GCA: variants seen among roughly 807,000 people sequenced by gnomAD.
The protein encoded by GCA is grancalcin.
GCA carries 30 observed loss-of-function variants against 32.6 expected under a neutral mutation model. The observed-to-expected ratio is 0.92, with a 90% CI of 0.69 to 1.25. GCA has a LOEUF of 1.25. Among genes scored for constraint, GCA ranks in the 50% most tolerant of loss-of-function variants. The probability of loss-of-function intolerance (pLI) is 0.00; values close to 1 mark genes in which losing one functional copy is unlikely to be tolerated. For synonymous variants in GCA, 102 were observed against 84.6 expected, an observed-to-expected ratio of 1.21 and a Z score of -1.13; for missense variants, 291 against 266.8, an observed-to-expected ratio of 1.09 and a Z score of -0.63.
intron 3 of GCA, 67 bp downstream of exon 3, chr2:162,352,474 C>G: frequency 1.0e-6 from 1 of 978,540 alleles, no homozygotes; most frequent in Non-Finnish European, 1.6e-6. Flanking sequence ...TTTTTTGTCC[C>G]TGTAATTAAA....
At chr2:162,341,267 TTATATA>T (rs3052040), upstream of GCA, among the ~76,000 whole-genome samples, 3,439 of 116,214 alleles carry the variant, frequency 0.03, 170 homozygotes, top group African/African-American at 0.1. Context: ...CTTATTTATT[TTATATA>T]TATATATATA....
At chr2:162,358,988 C>A in intron 5 of GCA, 56 bp from the exon 6 acceptor site, 1 of 783,736 alleles carries the variant, frequency 1.3e-6, no homozygotes, top group Non-Finnish European at 2.1e-6. Flanking sequence ...AGAAAGCAAT[C>A]TTGCAGTGTT....
chr2:162,318,925 TAAC>T (rs1370445969), upstream of GCA: 1 of 233,550 alleles, frequency 4.3e-6, no homozygotes, highest in Non-Finnish European at 9.0e-6. Flanking sequence ...GGTTCTGCCT[TAAC>T]AATAAGGTCC....
At chr2:162,351,031 A>G in intron 2 of GCA, among the ~76,000 whole-genome samples, 1 of 152,278 alleles carries the variant, frequency 6.6e-6, no homozygotes, top group Non-Finnish European at 1.5e-5. Flanking sequence ...GATGGGCCTC[A>G]TAATTAATAA....
At chr2:162,338,517 A>G (rs955928609) in intron 1 of GCA, among the ~76,000 whole-genome samples, 2 of 152,182 alleles carry the variant, frequency 1.3e-5, no homozygotes, top group Non-Finnish European at 2.9e-5. Flanking sequence ...GGGTGTATCA[A>G]ACCCATGTTA....
At chr2:162,344,428 G>C in intron 1 of GCA, 153 bp downstream of exon 1, 4 of 713,860 alleles carry the variant, frequency 5.6e-6, no homozygotes. Flanking sequence ...TGGGGGCCAG[G>C]GCCTGGGCGA....
intron 1 of GCA, among the ~76,000 whole-genome samples, chr2:162,329,986 C>T (rs1576260650): frequency 6.6e-6 from 1 of 152,254 alleles, no homozygotes; most frequent in South Asian, 2.1e-4. Flanking sequence ...CATCCACGTC[C>T]GTGCACAGGA....
intron 1 of GCA, among the ~76,000 whole-genome samples, chr2:162,326,220 C>A (rs537258600): frequency 6.6e-6 from 1 of 152,336 alleles, no homozygotes; most frequent in Admixed American, 6.5e-5. Context: ...AAAGCTTGCA[C>A]ATATGGGACC....
chr2:162,359,599 C>T (rs3213843), intron 7 of GCA, 47 bp downstream of exon 7: 48,639 of 940,204 alleles, frequency 0.052, 8,893 homozygotes, highest in African/African-American at 0.49. Context: ...AGATAGTTCT[C>T]AGTTAGTAAA....
intron 5 of GCA, 186 bp downstream of exon 5, chr2:162,357,091 A>AT (rs1335722753): frequency 1.1e-5 from 5 of 455,392 alleles, no homozygotes; most frequent in South Asian, 4.5e-5. Context: ...TTTAATTATG[A>AT]TTTTTTTCAA....
At chr2:162,339,465 T>C (rs1684372764), upstream of GCA, among the ~76,000 whole-genome samples, 1 of 152,096 alleles carries the variant, frequency 6.6e-6, no homozygotes, top group Non-Finnish European at 1.5e-5. Context: ...ACAGTGAACA[T>C]TATGATCAAG....
At position 162,333,013 on chromosome 2, in the gene GCA, G is replaced by A. The variant is rs115439242; in HGVS notation, c.-31+13788G>A. ...CTCTGCTGGGGGATCAAAACATGAC[G>A]TACAAAGAACTCTCACAAAAATAGA... On this transcript the variant is annotated intron_variant, in intron 1 of 4. Transcript: ENST00000429691. Among the ~76,000 whole-genome samples the A allele has an allele frequency of 4.7e-3, 709 of 152,098 alleles. 10 individuals carry two copies. Among genetic ancestry groups the A allele is most frequent in the African/African-American group, 0.016 (674 of 41,438 alleles).
intron 2 of GCA, among the ~76,000 whole-genome samples, chr2:162,349,374 C>CTT (rs1211084602): frequency 6.9e-6 from 1 of 145,054 alleles, no homozygotes. Flanking sequence ...ATGAGCTTGT[C>CTT]TTTTTTTTTT....
chr2:162,330,493 C>A (rs1285289306), intron 1 of GCA, among the ~76,000 whole-genome samples: 1 of 152,194 alleles, frequency 6.6e-6, no homozygotes, highest in African/African-American at 2.4e-5. Flanking sequence ...TACCTGAATA[C>A]ACACATTGGC....
At chr2:162,342,839 C>T (rs561359106), upstream of GCA, among the ~76,000 whole-genome samples, 8 of 152,316 alleles carry the variant, frequency 5.3e-5, 1 homozygote, top group South Asian at 1.4e-3. Context: ...TTCTTTCTAG[C>T]GCTTTATCAT....
intron 1 of GCA, among the ~76,000 whole-genome samples, chr2:162,338,340 G>A (rs1684338354): frequency 6.6e-6 from 1 of 152,138 alleles, no homozygotes; most frequent in Non-Finnish European, 1.5e-5. Context: ...TAAGAATTGG[G>A]CCACTTTTAT....
chr2:162,373,415 A>G (rs758545365), downstream of GCA: 25 of 1,227,594 alleles, frequency 2.0e-5, no homozygotes, highest in Non-Finnish European at 2.7e-5. Context: ...TGATTAGGTG[A>G]CCCCTGGAAA....
intron 7 of GCA, among the ~76,000 whole-genome samples, chr2:162,359,787 A>G (rs1310441632): frequency 1.3e-5 from 2 of 151,136 alleles, no homozygotes; most frequent in African/African-American, 2.4e-5. Context: ...GGTTTTTTGA[A>G]TTAAAAAAAA....
At chr2:162,373,262 G>T (rs551094908), downstream of GCA, among the ~76,000 whole-genome samples, 2 of 152,092 alleles carry the variant, frequency 1.3e-5, no homozygotes, top group Non-Finnish European at 2.9e-5. Context: ...TAGCTTCATT[G>T]TTCTCAAACT....
Sources: allele counts gnomAD v4.1 joint callset (sites outside exome capture counted in the v4.1 genomes callset), GRCh38; gene constraint gnomAD v4.1.1; transcripts MANE v1.5; gene names NCBI Gene and HGNC (gene_info 2026-07-23, HGNC 2026-07-21).